ENTPD7: variants seen among roughly 807,000 people sequenced by gnomAD.
ENTPD7 encodes ectonucleoside triphosphate diphosphohydrolase 7, also known as NTPDase 7.
A neutral mutation model predicts 77.9 loss-of-function variants in ENTPD7; 53 were observed. The observed-to-expected ratio is 0.68, with a 90% CI of 0.55 to 0.85. ENTPD7 has a LOEUF of 0.85. Ranked by LOEUF, ENTPD7 falls within the 40% of genes least tolerant of loss-of-function variation. The pLI is 0.00. For synonymous variants in ENTPD7, 248 were observed against 274.9 expected (o/e 0.90, Z 0.97); for missense variants, 636 against 743.7 (o/e 0.86, Z 1.68).
chr10:99,677,219 A>C (rs1468388272), intron 3 of ENTPD7, among the ~76,000 whole-genome samples: 3 of 152,060 alleles, frequency 2.0e-5, no homozygotes, highest in Non-Finnish European at 4.4e-5. Context: ...TGTAATGCTG[A>C]ATCTTGTTTT....
chr10:99,676,241 T>C (rs2035679714), intron 3 of ENTPD7, among the ~76,000 whole-genome samples: 1 of 152,072 alleles, frequency 6.6e-6, no homozygotes, highest in Non-Finnish European at 1.5e-5. Context: ...AATATATTTA[T>C]ATGTAATGAG....
chr10:99,697,753 C>A, intron 9 of ENTPD7: 1 of 163,108 alleles, frequency 6.1e-6, no homozygotes, highest in Non-Finnish European at 1.4e-5. Context: ...TGGGCGCATC[C>A]TCATTCTAAG....
intron 3 of ENTPD7, among the ~76,000 whole-genome samples, chr10:99,669,651 T>C (rs1053486060): frequency 1.3e-5 from 2 of 151,618 alleles, no homozygotes; most frequent in Non-Finnish European, 2.9e-5. Flanking sequence ...TCATTTGAGC[T>C]GAAGGTGCAG....
intron 3 of ENTPD7, among the ~76,000 whole-genome samples, chr10:99,677,779 C>T (rs1045137032): frequency 2.6e-5 from 4 of 152,194 alleles, no homozygotes; most frequent in African/African-American, 7.2e-5. Context: ...CTGTTAACAG[C>T]GGCAGCACAG....
intron 3 of ENTPD7, among the ~76,000 whole-genome samples, chr10:99,662,142 C>A (rs1432997757): frequency 6.6e-6 from 1 of 152,070 alleles, no homozygotes; most frequent in Non-Finnish European, 1.5e-5. Context: ...ACTATCTCTG[C>A]AGTTAATTGG....
At chr10:99,703,165 T>C (rs918183359) in intron 12 of ENTPD7, among the ~76,000 whole-genome samples, 46 of 152,234 alleles carry the variant, frequency 3.0e-4, no homozygotes, top group African/African-American at 1.1e-3. Flanking sequence ...GAGATGTTTT[T>C]AGTGGGGCTA....
At position 99,701,124 on chromosome 10, in the gene ENTPD7, G is replaced by T. The variant is rs1210583018; in HGVS notation, c.1421+66G>T. 46 of 1,289,420 alleles carry T rather than the reference G, an allele frequency of 3.6e-5. 1 individual carries two copies. In the South Asian group the frequency reaches 5.2e-4, roughly 14 times the overall value. The allele number at this position is 1,289,420 out of a possible 1,614,324, so 79.9% of individuals were successfully genotyped here. On this transcript the variant is annotated intron_variant, in intron 11 of 12. Transcript: ENST00000370489. ...TCTAGATGGCAGATTATAATGGAGA[G>T]TGAGCAATAATGCAGATTAGATTTC...
rs1197931722 is a variant in ENTPD7 at position 99,698,827 on chromosome 10, A to G, written c.1304A>G (p.Tyr435Cys). 6.2e-7 allele frequency: 1 copy of G among 1,607,478 alleles called. No homozygotes were observed. Among genetic ancestry groups the G allele is most frequent in the Non-Finnish European group, 8.5e-7 (1 of 1,175,634 alleles). ...TEDVLRIGGR[Y>C]HGPTFAKAAQ... ...GATGTGTTGCGCATTGGTGGCCGCT[A>G]CCATGGGCCAACATTTGCCAAGGCT... is the stretch of plus-strand genomic sequence containing the variant. Residue 435 changes from tyrosine to cysteine, a missense_variant, in exon 10 of 13, where the codon TAC becomes TGC. Around this residue, in one of 3 missense-constraint regions of ENTPD7, gnomAD observed 486 missense variants for 556.5 expected, o/e 0.87. Coordinates refer to ENST00000370489, the MANE Select transcript of ENTPD7 (RefSeq NM_020354.5).
intron 8 of ENTPD7, among the ~76,000 whole-genome samples, chr10:99,692,625 A>C (rs1268090138): frequency 6.6e-6 from 1 of 152,100 alleles, no homozygotes; most frequent in East Asian, 1.9e-4. Context: ...CAGAGGCCAG[A>C]ATGTCCAGGG....
intron 8 of ENTPD7, among the ~76,000 whole-genome samples, chr10:99,694,352 G>A (rs191313235): frequency 3.3e-5 from 5 of 152,204 alleles, no homozygotes; most frequent in African/African-American, 7.2e-5. Context: ...CAGCCATCTC[G>A]TGGTATGGGT....
rs774134015 is a variant in ENTPD7 at position 99,708,685 on chromosome 10, CAG to C, written c.*4005_*4006del. On this transcript the variant is annotated 3_prime_UTR_variant, in exon 13 of 13. Transcript: ENST00000370489. ...CCCCTGATGATAAGGTTGGTGGGAA[CAG>C]AGTTTCTAATAGTAATCATAATAAA... 1 of 374,214 alleles carries C rather than the reference CAG, an allele frequency of 2.7e-6. No individual in the cohort carries two copies. Among genetic ancestry groups the C allele is most frequent in the Non-Finnish European group, 3.7e-6 (1 of 271,324 alleles). The allele number at this position is 374,214 out of a possible 1,614,324, so 23.2% of individuals were successfully genotyped here.
chr10:99,690,995 C>G (rs1564632877), intron 7 of ENTPD7, among the ~76,000 whole-genome samples: 1 of 151,784 alleles, frequency 6.6e-6, no homozygotes, highest in Admixed American at 6.6e-5. Context: ...TGTTTGCTTT[C>G]TTTTTTTTAT....
intron 6 of ENTPD7, among the ~76,000 whole-genome samples, chr10:99,686,916 C>CTTTTTTT (rs11325544): frequency 1.0e-5 from 1 of 98,098 alleles, no homozygotes; most frequent in Non-Finnish European, 2.2e-5. Flanking sequence ...GGCTGTGAAT[C>CTTTTTTT]TTTTTTTTTT....
At chr10:99,674,942 C>G (rs1282027514) in intron 3 of ENTPD7, among the ~76,000 whole-genome samples, 5 of 152,124 alleles carry the variant, frequency 3.3e-5, no homozygotes, top group African/African-American at 7.2e-5. Flanking sequence ...TTTCAATATT[C>G]TATGTGATGA....
intron 12 of ENTPD7, 136 bp from the exon 13 acceptor site, chr10:99,704,316 C>T (rs1225987949): frequency 1.1e-5 from 9 of 847,144 alleles, no homozygotes; most frequent in Admixed American, 2.3e-5. Flanking sequence ...TTTGCCTGCT[C>T]TGTGGAGCTG....
intron 2 of ENTPD7, chr10:99,660,494 T>C: frequency 1.9e-6 from 1 of 534,758 alleles, no homozygotes; most frequent in Non-Finnish European, 3.3e-6. Flanking sequence ...TATGGTGGAC[T>C]ACCATTTGTG....
chr10:99,670,848 T>C (rs1281999762), intron 3 of ENTPD7, among the ~76,000 whole-genome samples: 1 of 151,904 alleles, frequency 6.6e-6, no homozygotes, highest in Non-Finnish European at 1.5e-5. Flanking sequence ...TGAAACCTCA[T>C]CTCTACAGAA....
Position 99,710,191 on chromosome 10 carries a change from C to A in ENTPD7, c.*5508C>A. 2.0e-6 allele frequency: 2 copies of A among 985,428 alleles called. No homozygotes were observed. Among genetic ancestry groups the A allele is most frequent in the Non-Finnish European group, 2.4e-6 (2 of 829,928 alleles). The allele number at this position is 985,428 out of a possible 1,614,324, so 61.0% of individuals were successfully genotyped here. The stretch of plus-strand genomic sequence containing the variant: ...GTACTTTCCTAAGTGGCCCCTCCTA[C>A]AGAGCACTTGCCGGCATTTGGCCTG... On this transcript the variant is annotated 3_prime_UTR_variant, in exon 13 of 13. Coordinates refer to ENST00000370489, the MANE Select transcript of ENTPD7 (RefSeq NM_020354.5).
intron 5 of ENTPD7, among the ~76,000 whole-genome samples, chr10:99,684,291 A>T (rs1313527518): frequency 1.3e-5 from 2 of 152,232 alleles, no homozygotes; most frequent in African/African-American, 4.8e-5. Flanking sequence ...ACCTCAGGTT[A>T]TCCATGTGCC....
Sources: allele counts gnomAD v4.1 joint callset (sites outside exome capture counted in the v4.1 genomes callset), GRCh38; gene constraint gnomAD v4.1.1; regional missense constraint gnomAD v4.1.1; transcripts MANE v1.5; gene names NCBI Gene and HGNC (gene_info 2026-07-23, HGNC 2026-07-21).